ACTR3C: variants seen among roughly 807,000 people sequenced by gnomAD.
ACTR3C encodes actin related protein 3C.
In ACTR3C, 18 loss-of-function variants were observed where a neutral mutation model predicts 26.3. That is an observed-to-expected ratio of 0.68 (90% CI 0.47 to 1.01). ACTR3C has a LOEUF of 1.01. ACTR3C is among the 50% of genes least tolerant of loss of function. The pLI is 0.00. For missense variants in ACTR3C, 184 were observed against 250.7 expected, an observed-to-expected ratio of 0.73 and a Z score of 1.80; for synonymous variants, 55 against 94.5, an observed-to-expected ratio of 0.58 and a Z score of 2.42.
chr7:150,131,051 C>A, the ACTR3C span, among the ~76,000 whole-genome samples: 3 of 152,294 alleles, frequency 2.0e-5, no homozygotes, highest in East Asian at 3.9e-4. Flanking sequence ...GTATCATAAT[C>A]GTGCTTACAT....
intron 1 of ACTR3C, among the ~76,000 whole-genome samples, chr7:150,299,066 C>G (rs1048977882): frequency 4.0e-5 from 6 of 148,948 alleles, no homozygotes; most frequent in African/African-American, 1.5e-4. Context: ...CTGGGAGACT[C>G]CACCTCCCAG....
intron 4 of ACTR3C, among the ~76,000 whole-genome samples, chr7:150,287,271 A>G (rs1835860103): frequency 6.6e-6 from 1 of 152,028 alleles, no homozygotes; most frequent in South Asian, 2.1e-4. Context: ...AGCAACCATA[A>G]TAAGTAAATG....
chr7:150,158,910 CACACACGTGCACACACATGTGCGCAG>C, the ACTR3C span, among the ~76,000 whole-genome samples: 1,307 of 149,854 alleles, frequency 8.7e-3, 11 homozygotes, highest in African/African-American at 0.031. Flanking sequence ...CACGTGCGCA[CACACACGTGCACACACATGTGCGCAG>C]ACACACGGGC....
the ACTR3C span, among the ~76,000 whole-genome samples, chr7:150,206,353 G>T: frequency 6.6e-6 from 1 of 152,218 alleles, no homozygotes; most frequent in Non-Finnish European, 1.5e-5. Flanking sequence ...GTATCTAGGA[G>T]AAGACAGAGT....
At chr7:150,175,208 AC>A in the ACTR3C span, among the ~76,000 whole-genome samples, 2 of 148,756 alleles carry the variant, frequency 1.3e-5, no homozygotes, top group Non-Finnish European at 2.9e-5. Context: ...AATCATTATC[AC>A]AAAAGACAAG....
At chr7:150,315,920 G>A (rs112746760) in intron 1 of ACTR3C, among the ~76,000 whole-genome samples, 1,943 of 152,094 alleles carry the variant, frequency 0.013, 43 homozygotes, top group African/African-American at 0.045. Flanking sequence ...TGCATAGGCC[G>A]GCCGCGGTGG....
chr7:149,899,679 A>G, the ACTR3C span, among the ~76,000 whole-genome samples: 4 of 151,584 alleles, frequency 2.6e-5, no homozygotes, highest in African/African-American at 7.3e-5. Context: ...GTGGATTACA[A>G]TTCCCAGAAG....
chr7:149,897,182 G>A, the ACTR3C span, among the ~76,000 whole-genome samples: 2 of 151,980 alleles, frequency 1.3e-5, no homozygotes, highest in Non-Finnish European at 2.9e-5. Context: ...AAAATAAGAT[G>A]GCCAGACAAA....
the ACTR3C span, among the ~76,000 whole-genome samples, chr7:149,963,581 A>C: frequency 6.6e-6 from 1 of 152,214 alleles, no homozygotes; most frequent in Non-Finnish European, 1.5e-5. Context: ...AACAAAGAAC[A>C]GAGCCCTTCA....
the ACTR3C span, among the ~76,000 whole-genome samples, chr7:149,991,367 T>C: frequency 6.6e-6 from 1 of 152,158 alleles, no homozygotes; most frequent in African/African-American, 2.4e-5. Context: ...TTTAAAACTG[T>C]GAGTTCAAAG....
chr7:150,093,426 C>T, the ACTR3C span, among the ~76,000 whole-genome samples: 4 of 151,204 alleles, frequency 2.6e-5, no homozygotes, highest in Non-Finnish European at 4.4e-5. Flanking sequence ...ATGTGGGATT[C>T]TTTTATAAGA....
intron 6 of ACTR3C, among the ~76,000 whole-genome samples, chr7:150,253,485 T>A (rs1174068024): frequency 2.6e-5 from 4 of 152,150 alleles, no homozygotes; most frequent in Non-Finnish European, 4.4e-5. Flanking sequence ...TTAATCTGAT[T>A]GTAGTAAAGT....
the ACTR3C span, among the ~76,000 whole-genome samples, chr7:149,932,690 G>A: frequency 8.0e-5 from 12 of 150,466 alleles, no homozygotes; most frequent in South Asian, 2.2e-3. Flanking sequence ...AGGGAGCGGG[G>A]GAGAGAGAGA....
chr7:149,961,300 G>A, the ACTR3C span, among the ~76,000 whole-genome samples: 1 of 152,046 alleles, frequency 6.6e-6, no homozygotes, highest in African/African-American at 2.4e-5. Flanking sequence ...TGGGCTCACA[G>A]GAATTGCACA....
chr7:149,926,368 A>G, the ACTR3C span, among the ~76,000 whole-genome samples: 2 of 152,208 alleles, frequency 1.3e-5, no homozygotes, highest in Non-Finnish European at 2.9e-5. Flanking sequence ...CTTGGAGTTC[A>G]GGTGTTCCCA....
At chr7:150,241,569 A>G (rs1489637240), downstream of ACTR3C, among the ~76,000 whole-genome samples, 2 of 152,228 alleles carry the variant, frequency 1.3e-5, no homozygotes, top group African/African-American at 4.8e-5. Flanking sequence ...ATAACTTTGC[A>G]AACATGAGAC....
the ACTR3C span, among the ~76,000 whole-genome samples, chr7:149,988,245 T>C: frequency 3.3e-5 from 5 of 152,238 alleles, no homozygotes; most frequent in Non-Finnish European, 7.3e-5. Flanking sequence ...CCTGTATTAG[T>C]TACGCACTGA....
chr7:150,047,438 G>A, the ACTR3C span, among the ~76,000 whole-genome samples: 1 of 152,060 alleles, frequency 6.6e-6, no homozygotes, highest in African/African-American at 2.4e-5. Flanking sequence ...CCTCCGGGAC[G>A]GCGATGACCG....
chr7:149,946,015 A>G, the ACTR3C span, among the ~76,000 whole-genome samples: 2 of 152,330 alleles, frequency 1.3e-5, no homozygotes, highest in Admixed American at 6.5e-5. Context: ...AAGAGCCTCC[A>G]GAGAGGCCCA....
Sources: allele counts gnomAD v4.1 joint callset (sites outside exome capture counted in the v4.1 genomes callset), GRCh38; gene constraint gnomAD v4.1.1; transcripts MANE v1.5; gene names NCBI Gene and HGNC (gene_info 2026-07-23, HGNC 2026-07-21).